Variants in PRKCB observed in about 807,000 individuals in gnomAD.
The protein encoded by PRKCB is protein kinase C beta.
PRKCB carries 13 observed loss-of-function variants against 81.5 expected under a neutral mutation model. That is an observed-to-expected ratio of 0.16 (90% CI 0.10 to 0.25). The LOEUF (loss-of-function observed/expected upper bound fraction) is 0.25, where lower values mean the gene tolerates loss of function less well. PRKCB is among the 10% of genes least tolerant of loss of function. The probability of loss-of-function intolerance (pLI) is 1.00; values close to 1 mark genes in which losing one functional copy is unlikely to be tolerated. For missense variants in PRKCB, 509 were observed against 875.7 expected (o/e 0.58, Z 5.29); for synonymous variants, 335 against 321.4 (o/e 1.04, Z -0.45).
intron 9 of PRKCB, among the ~76,000 whole-genome samples, chr16:24,128,083 T>C (rs1186563628): frequency 1.7e-5 from 2 of 116,676 alleles, no homozygotes; most frequent in African/African-American, 7.3e-5. Flanking sequence ...AAACATGTTT[T>C]TAAACCCTAA....
chr16:24,017,917 TAGAC>T (rs1403980044), intron 3 of PRKCB, among the ~76,000 whole-genome samples: 1 of 145,626 alleles, frequency 6.9e-6, no homozygotes. Context: ...TTTTTTTTTT[TAGAC>T]AGAGTCTCGC....
chr16:23,870,019 C>T, intron 2 of PRKCB, among the ~76,000 whole-genome samples: 1 of 99,280 alleles, frequency 1.0e-5, no homozygotes, highest in Non-Finnish European at 2.1e-5. Context: ...GAGACTCCAT[C>T]TGAAAAAAAA....
At chr16:24,210,549 A>G (rs1968124135) in intron 16 of PRKCB, among the ~76,000 whole-genome samples, 1 of 149,080 alleles carries the variant, frequency 6.7e-6, no homozygotes, top group South Asian at 2.1e-4. Flanking sequence ...CCCAGGCTGG[A>G]GTGCAGTGGC....
chr16:24,024,887 C>A (rs1338659055), intron 3 of PRKCB, among the ~76,000 whole-genome samples: 1 of 151,670 alleles, frequency 6.6e-6, no homozygotes, highest in East Asian at 1.9e-4. Flanking sequence ...GTCATGAGGA[C>A]CACAGGTGTA....
chr16:24,168,104 T>A (rs533960269), intron 10 of PRKCB, among the ~76,000 whole-genome samples: 1 of 152,208 alleles, frequency 6.6e-6, no homozygotes, highest in Non-Finnish European at 1.5e-5. Flanking sequence ...GTATGGAAGA[T>A]TTTTTTAAAT....
chr16:23,885,763 C>T (rs1963188638), intron 2 of PRKCB, among the ~76,000 whole-genome samples: 1 of 152,164 alleles, frequency 6.6e-6, no homozygotes, highest in Non-Finnish European at 1.5e-5. Flanking sequence ...CCACTGTGTG[C>T]TGGAAAATAT....
rs1488147523 is a variant in PRKCB at position 24,020,276 on chromosome 16, T to A, written c.289-11860T>A. Among the ~76,000 whole-genome samples, 6 of 152,238 alleles carry A rather than the reference T, an allele frequency of 3.9e-5. No homozygotes were observed. The East Asian group carries it at 1.2e-3, about 29-fold the overall frequency. ...GAGTTCACACTCTTAGTTTCATTTT[T>A]AAAAATAGGTTTATTTAAATAAAAA... On this transcript the variant is annotated intron_variant, in intron 3 of 16. Coordinates refer to ENST00000643927, the MANE Select transcript of PRKCB (RefSeq NM_002738.7).
intron 2 of PRKCB, among the ~76,000 whole-genome samples, chr16:23,887,112 C>T (rs74014169): frequency 0.015 from 2,209 of 152,090 alleles, 40 homozygotes; most frequent in African/African-American, 0.051. Context: ...TGCTTTCTTT[C>T]TTGCTTTCTT....
At chr16:24,169,197 A>G (rs1222660375) in intron 10 of PRKCB, among the ~76,000 whole-genome samples, 1 of 152,142 alleles carries the variant, frequency 6.6e-6, no homozygotes. Flanking sequence ...TTCTGACTGT[A>G]TGAATGCTGC....
intron 5 of PRKCB, among the ~76,000 whole-genome samples, chr16:24,039,918 C>T (rs4787664): frequency 0.19 from 28,270 of 152,046 alleles, 2,774 homozygotes; most frequent in Middle Eastern, 0.27. Context: ...AAAGGTTGTG[C>T]GGGGTCCTTC....
intron 5 of PRKCB, among the ~76,000 whole-genome samples, chr16:24,050,347 G>C (rs547651718): frequency 6.6e-6 from 1 of 152,018 alleles, no homozygotes; most frequent in East Asian, 1.9e-4. Flanking sequence ...TATAAAGCAG[G>C]GTGCCCAGAG....
At chr16:23,883,351 G>C (rs775485046) in intron 2 of PRKCB, among the ~76,000 whole-genome samples, 2 of 152,124 alleles carry the variant, frequency 1.3e-5, no homozygotes, top group Non-Finnish European at 2.9e-5. Context: ...CTGGGCCCTG[G>C]GATGAGCAAT....
chr16:23,850,702 A>G (rs1011102283), intron 2 of PRKCB, among the ~76,000 whole-genome samples: 38 of 152,228 alleles, frequency 2.5e-4, no homozygotes, highest in African/African-American at 8.9e-4. Flanking sequence ...AACTTTTAGT[A>G]CTGTTTTTCA....
chr16:24,147,164 C>T (rs537452065), intron 9 of PRKCB, among the ~76,000 whole-genome samples: 9 of 151,980 alleles, frequency 5.9e-5, no homozygotes, highest in East Asian at 1.9e-4. Flanking sequence ...AAAAATTAGC[C>T]GGGCATCGTG....
At chr16:24,148,734 T>A (rs1967030500) in intron 9 of PRKCB, among the ~76,000 whole-genome samples, 1 of 152,218 alleles carries the variant, frequency 6.6e-6, no homozygotes, top group Non-Finnish European at 1.5e-5. Context: ...GAAACACTTA[T>A]TCTAAAACGA....
intron 4 of PRKCB, among the ~76,000 whole-genome samples, chr16:24,034,466 G>A (rs1359192386): frequency 6.6e-6 from 1 of 152,206 alleles, no homozygotes; most frequent in Non-Finnish European, 1.5e-5. Context: ...TCAAGACCTA[G>A]AAGAAATCAC....
chr16:24,104,729 TG>T (rs943370448), intron 7 of PRKCB, among the ~76,000 whole-genome samples: 10 of 152,112 alleles, frequency 6.6e-5, no homozygotes, highest in African/African-American at 2.4e-4. Context: ...TCAAAGGCCC[TG>T]GGGCAGGAGT....
intron 9 of PRKCB, among the ~76,000 whole-genome samples, chr16:24,148,089 T>G (rs1967021920): frequency 1.3e-5 from 2 of 152,196 alleles, no homozygotes; most frequent in East Asian, 1.9e-4. Flanking sequence ...TTTCTGAAGC[T>G]TAAGTGCTCA....
At chr16:23,877,989 A>G (rs958059031) in intron 2 of PRKCB, among the ~76,000 whole-genome samples, 1 of 151,050 alleles carries the variant, frequency 6.6e-6, no homozygotes. Context: ...ATGCACCACC[A>G]CTCCTGGCTA....
Sources: gnomAD v4.1 joint callset for allele counts (sites outside exome capture counted in the v4.1 genomes callset) on GRCh38, gnomAD v4.1.1 for gene constraint, MANE v1.5 for transcripts, NCBI Gene and HGNC (gene_info 2026-07-23, HGNC 2026-07-21) for gene names.